KIAA1217: variants seen among roughly 807,000 people sequenced by gnomAD.
KIAA1217 encodes the protein KIAA1217, also known as sickle tail protein homolog.
In KIAA1217, 88 loss-of-function variants were observed where a neutral mutation model predicts 163.9. The ratio of observed to expected loss-of-function variants is 0.54; its 90% CI spans 0.45 to 0.64. The LOEUF (loss-of-function observed/expected upper bound fraction) is 0.64. Among genes scored for constraint, KIAA1217 ranks in the 30% least tolerant of loss-of-function variants. The pLI, the probability that KIAA1217 is intolerant of heterozygous loss-of-function variation, is 0.00. For synonymous variants in KIAA1217, 903 were observed against 923.1 expected (o/e 0.98, Z 0.39); for missense variants, 2,372 against 2,475.0 (o/e 0.96, Z 0.88).
At chr10:24,025,584 T>C (rs567836145) in intron 2 of KIAA1217, among the ~76,000 whole-genome samples, 1 of 151,860 alleles carries the variant, frequency 6.6e-6, no homozygotes, top group East Asian at 1.9e-4. Flanking sequence ...ACAATGAATC[T>C]ACAGATGAAT....
In KIAA1217 at chr10:24,537,260, C is replaced by G. The variant is rs532997403; in HGVS notation, c.3534+367C>G. Among the ~76,000 whole-genome samples, 3 of 152,132 alleles carry G rather than the reference C, an allele frequency of 2.0e-5. No individual in the cohort carries two copies. In the East Asian group the frequency reaches 5.8e-4, roughly 29 times the overall value. Reference sequence around the variant, plus strand: ...AGACCCTTTGGGAAAAAAAGAAAAACAACTATATATGTTAAGAAAAATAGG... The same window carrying G: ...AGACCCTTTGGGAAAAAAAGAAAAAGAACTATATATGTTAAGAAAAATAGG... On this transcript the variant is annotated intron_variant, in intron 17 of 20. Transcript: ENST00000376454.
chr10:24,140,200 AT>A (rs1486749685), intron 2 of KIAA1217, among the ~76,000 whole-genome samples: 2 of 152,102 alleles, frequency 1.3e-5, no homozygotes, highest in East Asian at 3.9e-4. Flanking sequence ...TCTACTAAAA[AT>A]ACAAAAAAAT....
In KIAA1217 at chr10:24,544,160, T is replaced by C. The variant is rs1400505571; in HGVS notation, c.4890T>C (p.Pro1630=). The C allele has an allele frequency of 3.1e-6, 5 of 1,614,120 alleles. No individual in the cohort carries two copies. The highest frequency in any genetic ancestry group is 1.3e-5 in the African/African-American group (1 of 75,024). ...AKRFEIARSQ[P]EDTPENTVRR... is the part of the protein sequence containing the mutation. ...GCTTCGAAATCGCTAGGTCTCAACC[T>C]GAAGACACCCCTGAAAACACAGTGA... Residue 1630 remains proline (P), a synonymous_variant, in exon 19 of 21, where the codon CCT becomes CCC. Coordinates refer to ENST00000376454, the MANE Select transcript of KIAA1217 (RefSeq NM_019590.5).
intron 1 of KIAA1217, among the ~76,000 whole-genome samples, chr10:23,848,219 C>T (rs1220477089): frequency 4.6e-5 from 7 of 152,064 alleles, no homozygotes; most frequent in Non-Finnish European, 1.0e-4. Context: ...CCATAGATGT[C>T]TATTTGGTCC....
At chr10:23,873,033 A>C (rs749325706) in intron 1 of KIAA1217, among the ~76,000 whole-genome samples, 4 of 152,104 alleles carry the variant, frequency 2.6e-5, no homozygotes, top group Admixed American at 6.6e-5. Flanking sequence ...ATTTTGTTCA[A>C]TTAGAAATAT....
chr10:23,718,066 C>A (rs1837672023), intron 1 of KIAA1217, among the ~76,000 whole-genome samples: 1 of 152,170 alleles, frequency 6.6e-6, no homozygotes, highest in African/African-American at 2.4e-5. Context: ...TTTTAGCTTA[C>A]TTAGCTTATG....
intron 1 of KIAA1217, among the ~76,000 whole-genome samples, chr10:23,922,876 T>C (rs1199051326): frequency 6.6e-6 from 1 of 152,144 alleles, no homozygotes; most frequent in East Asian, 1.9e-4. Context: ...GAAAGGATGA[T>C]ATAATACTTA....
At chr10:24,389,531 C>A (rs1303444692) in intron 3 of KIAA1217, among the ~76,000 whole-genome samples, 3 of 150,562 alleles carry the variant, frequency 2.0e-5, no homozygotes, top group Non-Finnish European at 4.4e-5. Context: ...GTACATGTAC[C>A]CTAGAACTTA....
intron 2 of KIAA1217, among the ~76,000 whole-genome samples, chr10:24,279,922 TTTTCTTAAAAA>T (rs1308723410): frequency 6.6e-6 from 1 of 152,200 alleles, no homozygotes; most frequent in Non-Finnish European, 1.5e-5. Flanking sequence ...TAGTGTTTGA[TTTTCTTAAAAA>T]CCGATTTGAA....
At position 24,438,317 on chromosome 10, in the gene KIAA1217, G is replaced by A. The variant is rs564518412; in HGVS notation, c.753-69G>A. ...CATGTTTTTTACCTGATCTTTAAGG[G>A]CAGGCTAAGGAAATGGCCAAAGTCA... On this transcript the variant is annotated intron_variant, in intron 4 of 20. Coordinates refer to ENST00000376454, the MANE Select transcript of KIAA1217 (RefSeq NM_019590.5). The A allele has an allele frequency of 6.3e-4, 640 of 1,008,134 alleles. 9 individuals are homozygous for A. The South Asian group carries it at 7.3e-3, about 11-fold the overall frequency. 62.4% of individuals were successfully genotyped at this position (1,008,134 alleles called of 1,614,324 possible).
chr10:24,360,943 A>G (rs914719670), intron 2 of KIAA1217, among the ~76,000 whole-genome samples: 7 of 152,116 alleles, frequency 4.6e-5, no homozygotes, highest in African/African-American at 1.7e-4. Flanking sequence ...AGCAAGCACA[A>G]ATAATTTAAT....
chr10:24,412,797 C>T lies in KIAA1217; in HGVS notation c.554-20198C>T, dbSNP rs375017394. ...CAAATATCAGCTATAGGATGATGAC[C>T]GCTGTAGCCTGGATGTGTCCTCTGA... is the stretch of plus-strand genomic sequence containing the variant. On this transcript the variant is annotated intron_variant, in intron 3 of 20. Coordinates refer to ENST00000376454, the MANE Select transcript of KIAA1217 (RefSeq NM_019590.5). Among the ~76,000 whole-genome samples the T allele has an allele frequency of 1.3e-4, 20 of 152,222 alleles. 1 individual carries two copies. Among genetic ancestry groups the T allele is most frequent in the East Asian group, 3.9e-4 (2 of 5,186 alleles).
intron 1 of KIAA1217, among the ~76,000 whole-genome samples, chr10:23,863,529 C>G (rs1840051587): frequency 6.6e-6 from 1 of 152,262 alleles, no homozygotes; most frequent in East Asian, 1.9e-4. Flanking sequence ...CGTCTCTTGC[C>G]TTTCCATCTC....
Position 24,543,928 on chromosome 10 carries a change from A to C in KIAA1217, c.4658A>C (p.Asn1553Thr), listed in dbSNP as rs1489378015. The C allele has an allele frequency of 6.2e-7, 1 of 1,613,970 alleles. No individual in the cohort carries two copies. Among genetic ancestry groups the C allele is most frequent in the African/African-American group, 1.3e-5 (1 of 74,904 alleles). Residue 1553 changes from asparagine to threonine, a missense_variant, in exon 19 of 21, where the codon AAT becomes ACT. By Grantham distance (65) the Asn-to-Thr change is moderately conservative (BLOSUM62 0). Coordinates refer to ENST00000376454, the MANE Select transcript of KIAA1217 (RefSeq NM_019590.5). The part of the protein sequence containing the change: ...LNKFSHVDSP[N>T]SECKGEDATD... ...AAGTTCAGCCACGTGGATTCTCCAA[A>C]TTCGGAATGCAAGGGTGAGGACGCG...
intron 3 of KIAA1217, among the ~76,000 whole-genome samples, chr10:24,382,182 G>C (rs7093183): frequency 0.39 from 58,601 of 151,728 alleles, 11,502 homozygotes; most frequent in South Asian, 0.55. Flanking sequence ...TTCTGATTTG[G>C]GTACTTGTGT....
intron 1 of KIAA1217, among the ~76,000 whole-genome samples, chr10:23,890,520 G>C (rs914748994): frequency 2.6e-5 from 4 of 151,758 alleles, no homozygotes; most frequent in African/African-American, 9.7e-5. Context: ...TTATTTAAAA[G>C]TGTATTGGTA....
chr10:23,953,156 A>G (rs1298431112), intron 1 of KIAA1217, among the ~76,000 whole-genome samples: 1 of 152,254 alleles, frequency 6.6e-6, no homozygotes, highest in Non-Finnish European at 1.5e-5. Flanking sequence ...AAGGTATAAC[A>G]TAACAGTTAA....
intron 1 of KIAA1217, among the ~76,000 whole-genome samples, chr10:23,833,732 C>G (rs1001612053): frequency 6.6e-6 from 1 of 151,544 alleles, no homozygotes; most frequent in Non-Finnish European, 1.5e-5. Flanking sequence ...TTCTATAATT[C>G]TTGGAAATTC....
intron 1 of KIAA1217, among the ~76,000 whole-genome samples, chr10:23,954,038 G>A (rs1844450578): frequency 6.6e-6 from 1 of 152,118 alleles, no homozygotes; most frequent in Non-Finnish European, 1.5e-5. Context: ...TTTATCCAAA[G>A]GTCAGATGAA....
Sources: gnomAD v4.1 joint callset for allele counts (sites outside exome capture counted in the v4.1 genomes callset) on GRCh38, gnomAD v4.1.1 for gene constraint, MANE v1.5 for transcripts, NCBI Gene and HGNC (gene_info 2026-07-23, HGNC 2026-07-21) for gene names.